Variants in CDHR4 observed in about 807,000 individuals in gnomAD.
CDHR4 encodes cadherin-related family member 4.
CDHR4 carries 89 observed loss-of-function variants against 88.4 expected under a neutral mutation model. The ratio of observed to expected loss-of-function variants is 1.01; its 90% CI spans 0.85 to 1.20. The LOEUF (loss-of-function observed/expected upper bound fraction) is 1.20, where lower values mean the gene tolerates loss of function less well. Among genes scored for constraint, CDHR4 ranks in the 50% most tolerant of loss-of-function variants. CDHR4 has a pLI of 0.00. For synonymous variants in CDHR4, 368 were observed against 399.2 expected (o/e 0.92, Z 0.93); for missense variants, 914 against 1,007.2 (o/e 0.91, Z 1.25).
chr3:49,790,854 G>T lies in CDHR4; in HGVS notation c.2345C>A (p.Thr782Lys), dbSNP rs758725401. 1.3e-6 allele frequency: 2 copies of T among 1,547,270 alleles called. No homozygotes were observed. Among genetic ancestry groups the T allele is most frequent in the South Asian group, 2.4e-5 (2 of 83,686 alleles). The change falls in exon 19 of 19, where the codon ACA becomes AAA. Residue 782 changes from threonine to lysine, a missense_variant. Coordinates refer to ENST00000412678, the MANE Select transcript of CDHR4 (RefSeq NM_001007540.4). ...GCCTCAGAGCCAGCGCCGGGCTCCT[G>T]TGTGTGTGTTAAACAGGTAGTCTCT... is the stretch of plus-strand genomic sequence containing the variant. ...TGRDYLFNTH[T>K]GARRWL
chr3:49,795,228 G>C lies in CDHR4; in HGVS notation c.999C>G (p.Leu333=). Reference sequence around the variant, plus strand: ...GCGCTGGGAGGCAGCGTGGAGGCCAGAGGTTGACCAGCTGCACATTCATGG... The same window carrying C: ...GCGCTGGGAGGCAGCGTGGAGGCCACAGGTTGACCAGCTGCACATTCATGG... ...NLTMNVQLVN[L]WPPRCLPALL... is the part of the protein sequence containing the mutation. The change falls in exon 8 of 19, where the codon CTC becomes CTG. Residue 333 remains leucine, a synonymous_variant. Coordinates refer to ENST00000412678, the MANE Select transcript of CDHR4 (RefSeq NM_001007540.4). This position sits in a 1 kb window ranked among gnomAD's most constrained non-coding sequence, Gnocchi z 5.4. 6.4e-7 allele frequency: 1 copy of C among 1,551,706 alleles called. No homozygotes were observed. Among genetic ancestry groups the C allele is most frequent in the Non-Finnish European group, 8.7e-7 (1 of 1,146,980 alleles).
In CDHR4 at chr3:49,799,486, C is replaced by A. The variant is rs553718351; in HGVS notation, c.50-49G>T. On this transcript the variant is annotated intron_variant, in intron 1 of 18. Coordinates refer to ENST00000412678, the MANE Select transcript of CDHR4 (RefSeq NM_001007540.4). ...CTGGAGGCCCCCAGGCTGATGGAAC[C>A]ACACATACTAGCATAGTCCTGTCCT... 105 of 1,524,576 alleles carry A rather than the reference C, an allele frequency of 6.9e-5. No individual in the cohort carries two copies. The South Asian group carries it at 1.3e-3, about 19-fold the overall frequency. The allele number at this position is 1,524,576 out of a possible 1,614,324, so 94.4% of individuals were successfully genotyped here.
rs1160557103 is a variant in CDHR4 at position 49,796,081 on chromosome 3, T to C, written c.607-35A>G. 4.9e-6 allele frequency: 7 copies of C among 1,440,166 alleles called. 1 individual carries two copies. The South Asian group carries it at 8.6e-5, about 18-fold the overall frequency. The allele number at this position is 1,440,166 out of a possible 1,614,324, so 89.2% of individuals were successfully genotyped here. On this transcript the variant is annotated intron_variant, in intron 5 of 18. Transcript: ENST00000412678. ...ACCCAGAACAGAAAAGGAGCCAGAT[T>C]GTGTGTGTCCACCTCTTTGTCTATG...
In CDHR4 at chr3:49,793,138, C is replaced by T. The variant is rs184059065; in HGVS notation, c.1774+23G>A. On this transcript the variant is annotated intron_variant, in intron 13 of 18. Coordinates refer to ENST00000412678, the MANE Select transcript of CDHR4 (RefSeq NM_001007540.4). ...CCTTGGCCTGCCCCTCACTCACAAC[C>T]TGGTGGTGCCCATGTCCCCTACCTC... 100 of 1,551,116 alleles carry T rather than the reference C, an allele frequency of 6.4e-5. No homozygotes were observed. The Admixed American group carries it at 9.2e-4, about 14-fold the overall frequency.
intron 10 of CDHR4, among the ~76,000 whole-genome samples, chr3:49,794,226 G>A (rs924125688): frequency 8.5e-5 from 13 of 152,204 alleles, no homozygotes; most frequent in African/African-American, 2.6e-4. Context: ...GTGAAACCCC[G>A]TCTCTACTGA....
chr3:49,795,386 G>A lies in CDHR4; in HGVS notation c.848-7C>T, dbSNP rs2081255559. ...GTCCGGACCACACCGTCTGCTGCAT[G>A]GGGTGAGAGAACACAGAGGTCAGGG... On this transcript the variant is annotated splice_polypyrimidine_tract_variant and splice_region_variant and intron_variant, in intron 7 of 18. Transcript: ENST00000412678. The surrounding 1 kb of genome is among the most constrained non-coding windows in gnomAD (Gnocchi z 5.4). The A allele has an allele frequency of 3.2e-6, 5 of 1,549,318 alleles. No homozygotes were observed. Among genetic ancestry groups the A allele is most frequent in the Middle Eastern group, 3.6e-4 (2 of 5,544 alleles).
In CDHR4 at chr3:49,793,686, T is replaced by C. The variant is rs2081219066; in HGVS notation, c.1520A>G (p.Gln507Arg). The C allele has an allele frequency of 6.4e-7, 1 of 1,551,760 alleles. No homozygotes were observed. The highest frequency in any genetic ancestry group is 8.7e-7 in the Non-Finnish European group (1 of 1,146,990). ...GACAGTGAGCCTGTACAGCCTCTGC[T>C]GCTCATAGTCCAAAGGTCCCAGGAG... Reference protein sequence around the residue: ...VHLLGPLDYEQQRLYRLTVLV... With the variant: ...VHLLGPLDYERQRLYRLTVLV... The change falls in exon 12 of 19, where the codon CAG becomes CGG. Residue 507 changes from glutamine to arginine, a missense_variant. Transcript: ENST00000412678.
upstream of CDHR4, among the ~76,000 whole-genome samples, chr3:49,801,461 A>G (rs1392758130): frequency 6.6e-6 from 1 of 151,934 alleles, no homozygotes; most frequent in Non-Finnish European, 1.5e-5. Flanking sequence ...TTCACTCACT[A>G]TGCCTCCCAG....
chr3:49,794,981 G>A lies in CDHR4; in HGVS notation c.1151C>T (p.Pro384Leu). ...TCTGTCATAAAGGCAGAGGCTGGCAGGGTTGGAAGAGCTGCGGAACCACAG... is the reference window on the plus strand; with the variant it reads ...TCTGTCATAAAGGCAGAGGCTGGCAAGGTTGGAAGAGCTGCGGAACCACAG... ...YKLWFRSSSN[P>L]ASLCLYDRVL... Residue 384 changes from proline (P) to leucine (L), a missense_variant, in exon 9 of 19, where the codon CCT becomes CTT. Transcript: ENST00000412678. 1.3e-6 allele frequency: 2 copies of A among 1,551,716 alleles called. No individual in the cohort carries two copies. Among genetic ancestry groups the A allele is most frequent in the Non-Finnish European group, 1.7e-6 (2 of 1,146,990 alleles).
At position 49,798,810 on chromosome 3, in the gene CDHR4, C is replaced by T. The variant is rs771906249; in HGVS notation, c.495+16G>A. ...ACCCCCATCCTGTCACCCACCGTCC[C>T]ATGTTCTGGGCTTACCTGCGCTCCG... On this transcript the variant is annotated intron_variant, in intron 4 of 18. Coordinates refer to ENST00000412678, the MANE Select transcript of CDHR4 (RefSeq NM_001007540.4). 5 of 1,611,952 alleles carry T rather than the reference C, an allele frequency of 3.1e-6. No individual in the cohort carries two copies. The highest frequency in any genetic ancestry group is 3.4e-6 in the Non-Finnish European group (4 of 1,178,560).
Position 49,791,486 on chromosome 3 carries a change from A to G in CDHR4, c.2284-18T>C. On this transcript the variant is annotated intron_variant, in intron 17 of 18. Coordinates refer to ENST00000412678, the MANE Select transcript of CDHR4 (RefSeq NM_001007540.4). ...TCAAAATGCTGCTGAGGGAAAAAAA[A>G]AAAAGATGCAATGAATTGAACCCTG... 6.5e-7 allele frequency: 1 copy of G among 1,545,364 alleles called. No individual in the cohort carries two copies. Among genetic ancestry groups the G allele is most frequent in the Non-Finnish European group, 8.7e-7 (1 of 1,145,138 alleles).
chr3:49,795,783 A>G lies in CDHR4; in HGVS notation c.711-19T>C. 6.4e-7 allele frequency: 1 copy of G among 1,551,548 alleles called. No homozygotes were observed. The highest frequency in any genetic ancestry group is 1.4e-5 in the African/African-American group (1 of 73,166). ...CTGCTCGCTGGACCAAAAGGGGGGC[A>G]CTGGTTCCTGCCCATTCCTGCTCAA... On this transcript the variant is annotated intron_variant, in intron 6 of 18. Coordinates refer to ENST00000412678, the MANE Select transcript of CDHR4 (RefSeq NM_001007540.4). This position sits in a 1 kb window ranked among gnomAD's most constrained non-coding sequence, Gnocchi z 5.4.
chr3:49,802,245 C>T (rs2081371765), upstream of CDHR4, among the ~76,000 whole-genome samples: 1 of 152,110 alleles, frequency 6.6e-6, no homozygotes, highest in Non-Finnish European at 1.5e-5. Flanking sequence ...GCGATCTCCG[C>T]TCACTGCAAG....
At position 49,793,065 on chromosome 3, in the gene CDHR4, T is replaced by C; in HGVS notation, c.1784A>G (p.Gln595Arg). ...GGCCCCTTGCAGGATGAATCGGTTC[T>C]GGCTATTCCCTGAAAGCAGAATGAC... is the stretch of plus-strand genomic sequence containing the variant. ...YSYSIVGGNS[Q>R]NRFILQGAIL... Residue 595 changes from glutamine to arginine, a missense_variant, in exon 14 of 19, where the codon CAG (glutamine) becomes CGG (arginine). Gln to Arg is a conservative substitution (Grantham distance 43). Transcript: ENST00000412678. 1 of 1,551,404 alleles carries C rather than the reference T, an allele frequency of 6.4e-7. No individual in the cohort carries two copies. The highest frequency in any genetic ancestry group is 2.0e-5 in the Admixed American group (1 of 51,006).
At chr3:49,799,681 T>C in intron 1 of CDHR4, 83 bp downstream of exon 1, 1 of 1,470,084 alleles carries the variant, frequency 6.8e-7, no homozygotes. Flanking sequence ...TCTCCCCCAA[T>C]CCCTGTCCTC....
chr3:49,794,506 T>A, intron 10 of CDHR4, 102 bp downstream of exon 10: 1 of 913,948 alleles, frequency 1.1e-6, no homozygotes, highest in East Asian at 2.7e-5. Flanking sequence ...AACCCTGCCC[T>A]ACTGGATTCT....
In CDHR4 at chr3:49,796,981, T is replaced by G. The variant is rs2081279036; in HGVS notation, c.547A>C (p.Ile183Leu). The change falls in exon 5 of 19, where the codon ATC (isoleucine) becomes CTC (leucine). Residue 183 changes from isoleucine to leucine, a missense_variant. Transcript: ENST00000412678. Reference sequence around the variant, plus strand: ...GCCTGCAGCCAACCTTGCTCATTGATGGAGAAAGGTCCAGGGAAGTGTGGC... The same window carrying G: ...GCCTGCAGCCAACCTTGCTCATTGAGGGAGAAAGGTCCAGGGAAGTGTGGC... ...DLPHFPGPFS[I>L]NEQGWLQAPS... 3.9e-6 allele frequency: 6 copies of G among 1,551,622 alleles called. No homozygotes were observed. Among genetic ancestry groups the G allele is most frequent in the Non-Finnish European group, 5.2e-6 (6 of 1,146,998 alleles).
chr3:49,795,227 A>G lies in CDHR4; in HGVS notation c.1000T>C (p.Trp334Arg), dbSNP rs1471823062. ...LTMNVQLVNL[W>R]PPRCLPALLV... Reference sequence around the variant, plus strand: ...AGCGCTGGGAGGCAGCGTGGAGGCCAGAGGTTGACCAGCTGCACATTCATG... The same window carrying G: ...AGCGCTGGGAGGCAGCGTGGAGGCCGGAGGTTGACCAGCTGCACATTCATG... Residue 334 changes from tryptophan to arginine, a missense_variant, in exon 8 of 19, where the codon TGG becomes CGG. By Grantham distance (101) the Trp-to-Arg change is moderately radical. Coordinates refer to ENST00000412678, the MANE Select transcript of CDHR4 (RefSeq NM_001007540.4). The surrounding 1 kb of genome is among the most constrained non-coding windows in gnomAD (Gnocchi z 5.4). The G allele has an allele frequency of 9.0e-6, 14 of 1,551,688 alleles. No individual in the cohort carries two copies. Among genetic ancestry groups the G allele is most frequent in the South Asian group, 8.3e-5 (7 of 84,058 alleles).
In CDHR4 at chr3:49,795,190, A is replaced by G. The variant is rs982718347; in HGVS notation, c.1031+6T>C. On this transcript the variant is annotated splice_donor_region_variant and intron_variant, in intron 8 of 18. Coordinates refer to ENST00000412678, the MANE Select transcript of CDHR4 (RefSeq NM_001007540.4). The surrounding 1 kb of genome is among the most constrained non-coding windows in gnomAD (Gnocchi z 5.4). ...AGCAGCCCAAGTATGGTTCCCGGGT[A>G]CTCACACCAGAAGCGCTGGGAGGCA... is the stretch of plus-strand genomic sequence containing the variant. 7 of 1,551,594 alleles carry G rather than the reference A, an allele frequency of 4.5e-6. No individual in the cohort carries two copies. The East Asian group carries it at 1.7e-4, about 38-fold the overall frequency.
Sources: allele counts gnomAD v4.1 joint callset (sites outside exome capture counted in the v4.1 genomes callset), GRCh38; gene constraint gnomAD v4.1.1; non-coding constraint Gnocchi (gnomAD v3.1); transcripts MANE v1.5; gene names NCBI Gene and HGNC (gene_info 2026-07-23, HGNC 2026-07-21).